Variants in ALS2CL observed in about 807,000 individuals in gnomAD.
The protein encoded by ALS2CL is ALS2 C-terminal-like protein.
Under a neutral mutation model 127.9 loss-of-function variants are expected in ALS2CL, and 112 were observed. That is an observed-to-expected ratio of 0.88 (90% CI 0.75 to 1.02). The LOEUF is 1.02. Among genes scored for constraint, ALS2CL ranks in the 50% least tolerant of loss-of-function variants. ALS2CL has a pLI of 0.00. For missense variants in ALS2CL, 1,174 were observed against 1,236.7 expected (o/e 0.95, Z 0.76); for synonymous variants, 519 against 527.6 (o/e 0.98, Z 0.22).
intron 15 of ALS2CL, 56 bp from the exon 16 acceptor site, chr3:46,678,445 A>T: frequency 6.4e-7 from 1 of 1,571,956 alleles, no homozygotes; most frequent in African/African-American, 1.3e-5. Context: ...CCTTCCAGCC[A>T]ATCATGACAG....
intron 1 of ALS2CL, among the ~76,000 whole-genome samples, chr3:46,693,321 C>T (rs1386253981): frequency 6.6e-6 from 1 of 152,280 alleles, no homozygotes; most frequent in Non-Finnish European, 1.5e-5. Context: ...CCGGGTCGGG[C>T]CCTTCCGCCC....
chr3:46,681,634 G>C lies in ALS2CL; in HGVS notation c.1176-36C>G, dbSNP rs1559472730. 6.2e-7 allele frequency: 1 copy of C among 1,602,610 alleles called. No homozygotes were observed. Among genetic ancestry groups the C allele is most frequent in the Non-Finnish European group, 8.5e-7 (1 of 1,170,438 alleles). On this transcript the variant is annotated intron_variant, in intron 11 of 25. Coordinates refer to ENST00000318962, the MANE Select transcript of ALS2CL (RefSeq NM_147129.5). This position sits in a 1 kb window ranked among gnomAD's most constrained non-coding sequence, Gnocchi z 4.9. Reference sequence around the variant, plus strand: ...GGTTGTGGGGGTGGGGATCAGCCCTGACCTGAGACGCCCATTACACCTACT... The same window carrying C: ...GGTTGTGGGGGTGGGGATCAGCCCTCACCTGAGACGCCCATTACACCTACT...
chr3:46,689,169 C>T (rs1699998268), intron 2 of ALS2CL, among the ~76,000 whole-genome samples, 169 bp downstream of exon 2: 1 of 152,234 alleles, frequency 6.6e-6, no homozygotes, highest in Non-Finnish European at 1.5e-5. Context: ...GCAGAGGTTG[C>T]AGTGAGCCAA....
At chr3:46,676,118 C>A in intron 19 of ALS2CL, 127 bp downstream of exon 19, 1 of 1,453,972 alleles carries the variant, frequency 6.9e-7, no homozygotes, top group Non-Finnish European at 9.2e-7. Context: ...TGCACACTGA[C>A]CAAGCCTCTG....
rs746605873 is a variant in ALS2CL at position 46,671,941 on chromosome 3, T to C, written c.2627A>G (p.Tyr876Cys). The C allele has an allele frequency of 2.5e-6, 4 of 1,613,824 alleles. No individual in the cohort carries two copies. The highest frequency in any genetic ancestry group is 2.7e-5 in the African/African-American group (2 of 74,880). The change falls in exon 24 of 26, where the codon TAC (tyrosine) becomes TGC (cysteine). Residue 876 changes from tyrosine (Y) to cysteine (C), a missense_variant. By Grantham distance (194) the Tyr-to-Cys change is radical (BLOSUM62 -2). Coordinates refer to ENST00000318962, the MANE Select transcript of ALS2CL (RefSeq NM_147129.5). ...CAGCAGGTCGTCCATGGGCAGCTTG[T>C]ACTCCCGGCCCAATACCCTCGACAC... ...GTVSRVLGRE[Y>C]KLPMDDLLPL...
At chr3:46,679,666 C>T (rs1041617766) in intron 14 of ALS2CL, 3 of 166,108 alleles carry the variant, frequency 1.8e-5, no homozygotes, top group East Asian at 1.7e-4. Flanking sequence ...CATGGGCTGC[C>T]GGGAAGCTCA....
At chr3:46,676,124 C>T in intron 19 of ALS2CL, 121 bp downstream of exon 19, 1 of 1,463,530 alleles carries the variant, frequency 6.8e-7, no homozygotes, top group Non-Finnish European at 9.1e-7. Context: ...CTGACCAAGC[C>T]TCTGGTTCAT....
intron 2 of ALS2CL, 29 bp from the exon 3 acceptor site, chr3:46,688,325 G>A (rs1559484089): frequency 6.2e-7 from 1 of 1,600,846 alleles, no homozygotes; most frequent in Non-Finnish European, 8.5e-7. Flanking sequence ...CACACTGTGA[G>A]TAGAGGACGT....
rs182441295 is a variant in ALS2CL, at chr3:46,682,438, C to T, written c.1110-344G>A. On this transcript the variant is annotated intron_variant, in intron 10 of 25. Coordinates refer to ENST00000318962, the MANE Select transcript of ALS2CL (RefSeq NM_147129.5). ...TGGTCTGTGGGGTTTCTACCACCCT[C>T]CTCCCCACTTCTGTGTTTTTTCTGT... Among the ~76,000 whole-genome samples the T allele has an allele frequency of 2.6e-5, 4 of 152,348 alleles. No homozygotes were observed. In the East Asian group the frequency reaches 5.8e-4, roughly 22 times the overall value.
intron 20 of ALS2CL, 196 bp downstream of exon 20, chr3:46,675,422 C>G: frequency 1.7e-6 from 1 of 580,552 alleles, no homozygotes; most frequent in Non-Finnish European, 3.1e-6. Context: ...TGTAGCAGTG[C>G]CCCCTCCCTG....
rs564650907 is a variant in ALS2CL, at chr3:46,675,740, G to C, written c.2187-54C>G. On this transcript the variant is annotated intron_variant, in intron 19 of 25. Transcript: ENST00000318962. Reference sequence around the variant, plus strand: ...GGCTGCCCCTTGCCACAGAACTGGAGTTCTACCACCAGTCAACAAAGGCAA... The same window carrying C: ...GGCTGCCCCTTGCCACAGAACTGGACTTCTACCACCAGTCAACAAAGGCAA... 5 of 1,610,118 alleles carry C rather than the reference G, an allele frequency of 3.1e-6. No individual in the cohort carries two copies. In the South Asian group the frequency reaches 4.4e-5, roughly 14 times the overall value.
At chr3:46,682,510 G>A (rs1049699906) in intron 10 of ALS2CL, among the ~76,000 whole-genome samples, 3 of 152,208 alleles carry the variant, frequency 2.0e-5, no homozygotes, top group Non-Finnish European at 4.4e-5. Flanking sequence ...AGGAGGCAGG[G>A]TATCAGAAAC....
Position 46,685,647 on chromosome 3 carries a change from G to A in ALS2CL, c.667-3C>T, listed in dbSNP as rs776566065. The A allele has an allele frequency of 6.2e-7, 1 of 1,613,224 alleles. No homozygotes were observed. The highest frequency in any genetic ancestry group is 2.2e-5 in the East Asian group (1 of 44,850). On this transcript the variant is annotated splice_region_variant and splice_polypyrimidine_tract_variant and intron_variant, in intron 6 of 25. Coordinates refer to ENST00000318962, the MANE Select transcript of ALS2CL (RefSeq NM_147129.5). The stretch of plus-strand genomic sequence containing the variant: ...TGAGCAGGGGTGCAGAGCACATCCT[G>A]GTGGGGCAAAGAGGACAGTACAAGG...
chr3:46,680,037 T>G, intron 14 of ALS2CL: 1 of 208,212 alleles, frequency 4.8e-6, no homozygotes, highest in Non-Finnish European at 1.0e-5. Flanking sequence ...CTAGGGATAA[T>G]AATGACATCA....
rs1375235127 is a variant in ALS2CL at position 46,688,210 on chromosome 3, T to C, written c.190A>G (p.Thr64Ala). The change falls in exon 3 of 26, where the codon ACG becomes GCG. Residue 64 changes from threonine to alanine, a missense_variant. Physicochemically the swap from Thr to Ala is moderately conservative, Grantham distance 58. Transcript: ENST00000318962. ...TGCAGTGAGTGCAGGCTTTCCTCCG[T>C]CACCTCCCAGAGTTGCTGGGAGCTC... ...HKSSQQLWEV[T>A]EESLHSLQER... The C allele has an allele frequency of 1.2e-6, 2 of 1,612,880 alleles. No homozygotes were observed. Among genetic ancestry groups the C allele is most frequent in the Non-Finnish European group, 1.7e-6 (2 of 1,179,986 alleles).
At chr3:46,675,019 C>T in intron 20 of ALS2CL, 1 of 357,396 alleles carries the variant, frequency 2.8e-6, no homozygotes, top group Non-Finnish European at 5.0e-6. Context: ...CCAGATGGAC[C>T]AGCAACTTGC....
At chr3:46,692,585 T>C (rs1450157589) in intron 1 of ALS2CL, among the ~76,000 whole-genome samples, 1 of 152,188 alleles carries the variant, frequency 6.6e-6, no homozygotes, top group East Asian at 1.9e-4. Context: ...CCTAGCTAGA[T>C]GGCTCAGAGA....
In ALS2CL at chr3:46,676,352, C is replaced by T. The variant is rs1698813936; in HGVS notation, c.2079G>A (p.Met693Ile). The change falls in exon 19 of 26, where the codon ATG becomes ATA. Residue 693 changes from methionine (M) to isoleucine (I), a missense_variant. Met to Ile is a conservative substitution (Grantham distance 10). Coordinates refer to ENST00000318962, the MANE Select transcript of ALS2CL (RefSeq NM_147129.5). Reference sequence around the variant, plus strand: ...CTGCGTAGGTAGCCTGGAAGGTCAGCATCAGTGTCCGGAGCAGCTTTCCCA... The same window carrying T: ...CTGCGTAGGTAGCCTGGAAGGTCAGTATCAGTGTCCGGAGCAGCTTTCCCA... ...HPLGKLLRTL[M>I]LTFQATYAGV... is the part of the protein sequence containing the mutation. The T allele has an allele frequency of 6.2e-7, 1 of 1,613,972 alleles. No individual in the cohort carries two copies. Among genetic ancestry groups the T allele is most frequent in the African/African-American group, 1.3e-5 (1 of 75,016 alleles).
intron 20 of ALS2CL, 90 bp from the exon 21 acceptor site, chr3:46,674,829 CAACA>C (rs1413310786): frequency 4.6e-6 from 6 of 1,308,946 alleles, no homozygotes; most frequent in East Asian, 2.6e-5. Flanking sequence ...CCTAGTTCCA[CAACA>C]AACAGTGTCC....
Sources: gnomAD v4.1 joint callset for allele counts (sites outside exome capture counted in the v4.1 genomes callset) on GRCh38, gnomAD v4.1.1 for gene constraint, Gnocchi (gnomAD v3.1) non-coding constraint, MANE v1.5 for transcripts, NCBI Gene and HGNC (gene_info 2026-07-23, HGNC 2026-07-21) for gene names.